ZFHX3: variants seen among roughly 807,000 people sequenced by gnomAD.
The protein encoded by ZFHX3 is zinc finger homeobox 3.
ZFHX3 carries 42 observed loss-of-function variants against 279.1 expected under a neutral mutation model. That is an observed-to-expected ratio of 0.15 (90% CI 0.12 to 0.19). The LOEUF (loss-of-function observed/expected upper bound fraction) is 0.19. Among genes scored for constraint, ZFHX3 ranks in the 10% least tolerant of loss-of-function variants. The probability of loss-of-function intolerance (pLI) is 1.00; values close to 1 mark genes in which losing one functional copy is unlikely to be tolerated. For synonymous variants in ZFHX3, 2,293 were observed against 1,957.8 expected (o/e 1.17, Z -4.52); for missense variants, 4,981 against 4,754.0 (o/e 1.05, Z -1.40).
At chr16:73,733,556 A>G (rs1027197077) in intron 1 of ZFHX3, among the ~76,000 whole-genome samples, 6 of 152,216 alleles carry the variant, frequency 3.9e-5, no homozygotes, top group African/African-American at 1.4e-4. Context: ...ATATAGCTCT[A>G]TGAATTTTCT....
intron 2 of ZFHX3, among the ~76,000 whole-genome samples, chr16:73,580,492 A>AAAACAAACAAAC (rs71374573): frequency 1.4e-5 from 2 of 145,192 alleles, no homozygotes; most frequent in African/African-American, 2.6e-5. Flanking sequence ...AACAAAAACA[A>AAAACAAACAAAC]AAACAAACAA....
At chr16:73,455,818 T>A (rs1326166157) in intron 3 of ZFHX3, among the ~76,000 whole-genome samples, 2 of 150,962 alleles carry the variant, frequency 1.3e-5, no homozygotes, top group Non-Finnish European at 2.9e-5. Context: ...TTGGTTGGAG[T>A]GAGGGGGCCC....
chr16:73,370,777 G>T (rs544942942), intron 3 of ZFHX3, among the ~76,000 whole-genome samples: 4 of 152,296 alleles, frequency 2.6e-5, no homozygotes, highest in African/African-American at 9.6e-5. Context: ...CTTTCTTTTG[G>T]CACTTGAATG....
intron 1 of ZFHX3, among the ~76,000 whole-genome samples, chr16:73,035,531 C>A (rs1964867138): frequency 6.6e-6 from 1 of 152,310 alleles, no homozygotes; most frequent in Admixed American, 6.5e-5. Flanking sequence ...AACTCACTGC[C>A]AAACTCAAGT....
At chr16:73,003,300 C>T (rs572018024) in intron 1 of ZFHX3, among the ~76,000 whole-genome samples, 14 of 144,108 alleles carry the variant, frequency 9.7e-5, no homozygotes, top group South Asian at 6.6e-4. Context: ...GGGTATTAGA[C>T]GTAAGATAAT....
intron 1 of ZFHX3, among the ~76,000 whole-genome samples, chr16:73,790,194 C>G (rs1017638893): frequency 3.1e-4 from 47 of 151,578 alleles, no homozygotes; most frequent in African/African-American, 1.0e-3. Context: ...GTTGGCACTT[C>G]TCTCAAATTC....
chr16:73,105,060 A>G (rs980521877), intron 7 of ZFHX3, among the ~76,000 whole-genome samples: 3 of 152,140 alleles, frequency 2.0e-5, no homozygotes, highest in African/African-American at 7.2e-5. Context: ...GTGCTTGGCG[A>G]TGAGCTCTTG....
chr16:73,752,506 G>T (rs1597095337), intron 1 of ZFHX3, among the ~76,000 whole-genome samples: 1 of 152,116 alleles, frequency 6.6e-6, no homozygotes, highest in Non-Finnish European at 1.5e-5. Context: ...TTCTCCCTGT[G>T]TTGGTTTTCT....
chr16:73,545,145 C>A (rs969551807), intron 2 of ZFHX3, among the ~76,000 whole-genome samples: 1 of 150,676 alleles, frequency 6.6e-6, no homozygotes, highest in Non-Finnish European at 1.5e-5. Context: ...AGAGTCACTT[C>A]CCCCCGACCC....
At chr16:73,833,221 G>A (rs1961046944) in intron 1 of ZFHX3, among the ~76,000 whole-genome samples, 1 of 152,094 alleles carries the variant, frequency 6.6e-6, no homozygotes, top group Non-Finnish European at 1.5e-5. Flanking sequence ...AAGTTAGCTG[G>A]TCATGGTAGT....
chr16:72,884,291 C>T (rs2038568639), intron 4 of ZFHX3, among the ~76,000 whole-genome samples: 1 of 152,176 alleles, frequency 6.6e-6, no homozygotes, highest in African/African-American at 2.4e-5. Flanking sequence ...CAGAAATTCG[C>T]TACTATGAAT....
intron 3 of ZFHX3, among the ~76,000 whole-genome samples, chr16:73,444,867 C>T (rs953468798): frequency 4.7e-5 from 7 of 148,736 alleles, no homozygotes; most frequent in African/African-American, 9.9e-5. Flanking sequence ...CGCCTGTAAT[C>T]CCAACGCTTT....
intron 3 of ZFHX3, among the ~76,000 whole-genome samples, chr16:72,890,530 C>A (rs1404369141): frequency 6.6e-6 from 1 of 151,738 alleles, no homozygotes; most frequent in Non-Finnish European, 1.5e-5. Context: ...GTACCCAGCA[C>A]CCTTCTCTAG....
At chr16:73,752,673 T>C (rs1469356639) in intron 1 of ZFHX3, among the ~76,000 whole-genome samples, 1 of 152,146 alleles carries the variant, frequency 6.6e-6, no homozygotes, top group African/African-American at 2.4e-5. Flanking sequence ...AGTCTATCCA[T>C]GAAGCTGGGG....
intron 3 of ZFHX3, among the ~76,000 whole-genome samples, chr16:72,906,756 C>G (rs1450336005): frequency 6.6e-6 from 1 of 152,166 alleles, no homozygotes; most frequent in African/African-American, 2.4e-5. Context: ...CGAGATCATG[C>G]CACTGCACTC....
At chr16:73,839,417 A>G (rs1428021866) in intron 1 of ZFHX3, among the ~76,000 whole-genome samples, 1 of 145,962 alleles carries the variant, frequency 6.9e-6, no homozygotes, top group African/African-American at 2.5e-5. Flanking sequence ...AGTATTTGGT[A>G]TACCTTTTCA....
intron 1 of ZFHX3, among the ~76,000 whole-genome samples, chr16:73,791,384 G>A (rs1030845010): frequency 1.3e-5 from 2 of 152,090 alleles, no homozygotes; most frequent in African/African-American, 2.4e-5. Flanking sequence ...CAGTAAGCCT[G>A]ACCCGGGCCC....
intron 1 of ZFHX3, among the ~76,000 whole-genome samples, chr16:73,798,963 C>G (rs1187935200): frequency 6.6e-6 from 1 of 152,200 alleles, no homozygotes; most frequent in African/African-American, 2.4e-5. Flanking sequence ...GAAACAGACT[C>G]CTAGAATACA....
At chr16:73,040,072 TAAAACTC>T (rs1965055593) in intron 1 of ZFHX3, among the ~76,000 whole-genome samples, 1 of 152,140 alleles carries the variant, frequency 6.6e-6, no homozygotes, top group African/African-American at 2.4e-5. Context: ...ACATGGGGCT[TAAAACTC>T]AAAGCAACAT....
Sources: allele counts gnomAD v4.1 joint callset (sites outside exome capture counted in the v4.1 genomes callset), GRCh38; gene constraint gnomAD v4.1.1; transcripts MANE v1.5; gene names NCBI Gene and HGNC (gene_info 2026-07-23, HGNC 2026-07-21).